The following TJP1 variants were observed in gnomAD, a reference collection of about 807,000 sequenced individuals.
TJP1 encodes tight junction protein 1, also known as tight junction protein ZO-1.
Under a neutral mutation model 194.2 loss-of-function variants are expected in TJP1, and 43 were observed. The ratio of observed to expected loss-of-function variants is 0.22; its 90% CI spans 0.17 to 0.29. The LOEUF is 0.29. Ranked by LOEUF, TJP1 falls within the 10% of genes least tolerant of loss-of-function variation. The pLI, the probability that TJP1 is intolerant of heterozygous loss-of-function variation, is 1.00. For missense variants in TJP1, 1,971 were observed against 2,185.7 expected, an observed-to-expected ratio of 0.90 and a Z score of 1.96; for synonymous variants, 801 against 779.0, an observed-to-expected ratio of 1.03 and a Z score of -0.47.
At chr15:29,704,858 AT>A (rs1386026352) in intron 26 of TJP1, among the ~76,000 whole-genome samples, 2 of 152,260 alleles carry the variant, frequency 1.3e-5, no homozygotes, top group Non-Finnish European at 2.9e-5. Context: ...AAAACAGGAT[AT>A]CCCCAAAATC....
At chr15:29,945,800 C>CACAT (rs10691403) in intron 2 of TJP1, among the ~76,000 whole-genome samples, 1 of 97,126 alleles carries the variant, frequency 1.0e-5, no homozygotes, top group African/African-American at 3.1e-5. Flanking sequence ...CACACACACA[C>CACAT]GCACACACAC....
At chr15:29,823,799 A>G (rs1034328219), upstream of TJP1, 1 of 152,148 alleles carries the variant, frequency 6.6e-6, no homozygotes, top group Non-Finnish European at 1.5e-5. Flanking sequence ...TTCTTTTAAG[A>G]ATTGTGGGCC....
chr15:29,809,994 C>T (rs2049381227), intron 1 of TJP1, among the ~76,000 whole-genome samples: 1 of 152,214 alleles, frequency 6.6e-6, no homozygotes. Context: ...TCTATCTCTT[C>T]TCTGAAATGC....
chr15:29,833,585 G>A (rs2050904016), intron 2 of TJP1, among the ~76,000 whole-genome samples: 1 of 151,592 alleles, frequency 6.6e-6, no homozygotes, highest in East Asian at 2.0e-4. Flanking sequence ...GTAGAGATGG[G>A]ATTTGGCCAT....
intron 2 of TJP1, among the ~76,000 whole-genome samples, chr15:29,940,041 C>A (rs1446848495): frequency 6.6e-6 from 1 of 152,200 alleles, no homozygotes; most frequent in Non-Finnish European, 1.5e-5. Context: ...ATTAGTGACT[C>A]TCATTGTGAG....
rs147602533 is a variant in TJP1 at position 29,910,621 on chromosome 15, T to A, written c.306+45611A>T. On this transcript the variant is annotated intron_variant, in intron 2 of 28. Coordinates refer to the TJP1 transcript ENST00000356107. ...TTAAAGTTGAAAGTAATTATATTTG[T>A]GGTTTAGCTCTAACAACTGCACTAA... Among the ~76,000 whole-genome samples the A allele has an allele frequency of 3.6e-3, 550 of 152,366 alleles. 8 individuals are homozygous for A. Among genetic ancestry groups the A allele is most frequent in the African/African-American group, 0.013 (531 of 41,582 alleles).
chr15:29,959,648 T>C (rs2056083670), intron 1 of TJP1, among the ~76,000 whole-genome samples: 1 of 152,184 alleles, frequency 6.6e-6, no homozygotes, highest in South Asian at 2.1e-4. Flanking sequence ...CGGACAACTG[T>C]AACGTTTTCT....
intron 2 of TJP1, among the ~76,000 whole-genome samples, chr15:29,932,354 C>G (rs937639997): frequency 6.6e-6 from 1 of 152,132 alleles, no homozygotes; most frequent in Non-Finnish European, 1.5e-5. Flanking sequence ...TGGCATTTGA[C>G]AGACATGGTA....
chr15:29,825,374 G>A (rs1019747888), upstream of TJP1, among the ~76,000 whole-genome samples: 2 of 152,104 alleles, frequency 1.3e-5, no homozygotes, highest in African/African-American at 4.8e-5. Flanking sequence ...AATCTCTTTC[G>A]ATTGTACAGA....
chr15:29,761,697 A>G lies in TJP1; in HGVS notation c.766T>C (p.Leu256=). The change falls in exon 7 of 28, where the codon TTA becomes CTA. Residue 256 remains leucine (L), a synonymous_variant. Transcript: ENST00000614355. ...TCATCTCTTTGAACTACCATTTTTA[A>G]TTTGCCTTTAGACCTTTCTATCAAT... The part of the protein sequence containing the change: ...KTLIERSKGK[L]KMVVQRDERA... 2 of 1,609,608 alleles carry G rather than the reference A, an allele frequency of 1.2e-6. No individual in the cohort carries two copies. The highest frequency in any genetic ancestry group is 2.2e-5 in the South Asian group (2 of 90,748).
chr15:29,745,185 T>C (rs900402110), intron 8 of TJP1, among the ~76,000 whole-genome samples: 4 of 151,780 alleles, frequency 2.6e-5, no homozygotes, highest in Non-Finnish European at 5.9e-5. Context: ...TGAATGTATT[T>C]ACACTATTTA....
chr15:29,714,144 G>A (rs1260081396), intron 23 of TJP1, among the ~76,000 whole-genome samples: 2 of 152,108 alleles, frequency 1.3e-5, no homozygotes, highest in African/African-American at 2.4e-5. Context: ...TCACAAATAA[G>A]CTAAGTCTTC....
In TJP1 at chr15:29,786,404, TA is replaced by T. The variant is rs552916112; in HGVS notation, c.85-13048del. On this transcript the variant is annotated intron_variant, in intron 2 of 27. Transcript: ENST00000614355. Reference sequence around the variant, plus strand: ...TTGGCTCCTCTATTGCCAAATTACCTACCCTTTATTTTATTTACTTTATTGC... The same window carrying T: ...TTGGCTCCTCTATTGCCAAATTACCTCCCTTTATTTTATTTACTTTATTGC... Among the ~76,000 whole-genome samples, 29 of 152,346 alleles carry T rather than the reference TA, an allele frequency of 1.9e-4. No homozygotes were observed. In the South Asian group the frequency reaches 6.0e-3, roughly 32 times the overall value.
intron 1 of TJP1, among the ~76,000 whole-genome samples, chr15:29,808,198 G>A (rs1191990168): frequency 2.0e-5 from 3 of 152,202 alleles, no homozygotes; most frequent in Non-Finnish European, 2.9e-5. Context: ...AACCCAGGAG[G>A]TGGAGTTTGC....
intron 2 of TJP1, among the ~76,000 whole-genome samples, chr15:29,856,122 T>C (rs2051841381): frequency 6.6e-6 from 1 of 152,168 alleles, no homozygotes; most frequent in African/African-American, 2.4e-5. Context: ...AATAGAATAT[T>C]ATTCAGTCAT....
intron 2 of TJP1, among the ~76,000 whole-genome samples, chr15:29,853,931 G>A (rs993825953): frequency 4.6e-5 from 7 of 152,090 alleles, no homozygotes; most frequent in African/African-American, 7.2e-5. Context: ...GAGCAACGAC[G>A]CACCTGCAGT....
At chr15:29,760,037 C>T (rs1056626768) in intron 8 of TJP1, 8 of 523,922 alleles carry the variant, frequency 1.5e-5, no homozygotes, top group Non-Finnish European at 2.7e-5. Context: ...TTTGAGGAAC[C>T]TCCATACTGT....
chr15:29,895,285 T>A (rs2053441806), intron 2 of TJP1, among the ~76,000 whole-genome samples: 1 of 152,184 alleles, frequency 6.6e-6, no homozygotes, highest in Non-Finnish European at 1.5e-5. Context: ...TGCTTTTAAA[T>A]CATTATTCTC....
rs539827958 is a variant in TJP1, at chr15:29,800,790, C to G, written c.28-88G>C. ...CAAGAACATCCAACAATTCAGCACA[C>G]TGAAATACCAAAATTCACAGTTAAT... On this transcript the variant is annotated intron_variant, in intron 1 of 27. Transcript: ENST00000614355. 80 of 1,264,078 alleles carry G rather than the reference C, an allele frequency of 6.3e-5. No homozygotes were observed. In the South Asian group the frequency reaches 9.6e-4, roughly 15 times the overall value. 78.3% of individuals were successfully genotyped at this position (1,264,078 alleles called of 1,614,324 possible).
Sources: gnomAD v4.1 joint callset for allele counts (sites outside exome capture counted in the v4.1 genomes callset) on GRCh38, gnomAD v4.1.1 for gene constraint, MANE v1.5 for transcripts, NCBI Gene and HGNC (gene_info 2026-07-23, HGNC 2026-07-21) for gene names.